NT5E: variants seen among roughly 807,000 people sequenced by gnomAD.
NT5E encodes 5'-nucleotidase ecto.
NT5E carries 53 observed loss-of-function variants against 55.1 expected under a neutral mutation model. The observed-to-expected ratio is 0.96, with a 90% CI of 0.77 to 1.21. NT5E has a LOEUF of 1.21. NT5E is among the 50% of genes most tolerant of loss of function. The pLI is 0.00. For synonymous variants in NT5E, 270 were observed against 278.4 expected (o/e 0.97, Z 0.30); for missense variants, 683 against 724.3 (o/e 0.94, Z 0.65).
intron 1 of NT5E, among the ~76,000 whole-genome samples, chr6:85,464,385 G>T (rs1421662439): frequency 6.6e-6 from 1 of 152,108 alleles, no homozygotes; most frequent in African/African-American, 2.4e-5. Flanking sequence ...TTCCTTAACT[G>T]CTTTTATTTT....
intron 1 of NT5E, among the ~76,000 whole-genome samples, chr6:85,465,393 A>G (rs79956451): frequency 0.013 from 1,987 of 152,302 alleles, 43 homozygotes; most frequent in African/African-American, 0.046. Context: ...CAAGAAAGTG[A>G]TTGTACTATA....
rs941664377 is a variant in NT5E, at chr6:85,487,412, A to C, written c.1027A>C (p.Ile343Leu). The C allele has an allele frequency of 6.2e-7, 1 of 1,614,008 alleles. No homozygotes were observed. Among genetic ancestry groups the C allele is most frequent in the Admixed American group, 1.7e-5 (1 of 60,004 alleles). Residue 343 changes from isoleucine (I) to leucine (L), a missense_variant, in exon 5 of 9, where the codon ATT (isoleucine) becomes CTT (leucine). Ile to Leu is a conservative substitution (Grantham distance 5, BLOSUM62 2). Transcript: ENST00000257770. ...TTCTACCCAGGAATTAGGGAAAACAATTGTCTATCTGGATGGCTCCTCTCA... is the reference window on the plus strand; with the variant it reads ...TTCTACCCAGGAATTAGGGAAAACACTTGTCTATCTGGATGGCTCCTCTCA... ...NYSTQELGKT[I>L]VYLDGSSQSC...
Position 85,485,440 on chromosome 6 carries a change from A to C in NT5E, c.949+8A>C, listed in dbSNP as rs1256791771. On this transcript the variant is annotated splice_region_variant and intron_variant, in intron 4 of 8. Transcript: ENST00000257770. ...ACAGCAGCATTCCTGAAGGTAAGTG[A>C]AGTTCAGGGGAATGTTCCACCAATC... is the stretch of plus-strand genomic sequence containing the variant. 1 of 1,613,638 alleles carries C rather than the reference A, an allele frequency of 6.2e-7. No individual in the cohort carries two copies. Among genetic ancestry groups the C allele is most frequent in the Admixed American group, 1.7e-5 (1 of 60,028 alleles).
Position 85,450,201 on chromosome 6 carries a change from G to A in NT5E, c.62G>A (p.Trp21Ter). The stretch of plus-strand genomic sequence containing the variant: ...CTCCTCGCCCTGGGCGCGGTGCTGT[G>A]GCCTGCGGCTGGCGCCTGGGAGCTT... ...TLLLALGAVL[W>*]PAAGAWELTI... Residue 21 changes from tryptophan (W) to a stop codon, truncating the protein, a stop_gained, in exon 1 of 9, where the codon TGG (tryptophan) becomes TAG (stop). Coordinates refer to ENST00000257770, the MANE Select transcript of NT5E (RefSeq NM_002526.4). LOFTEE classifies it high-confidence loss of function. This position sits in a 1 kb window ranked among gnomAD's most constrained non-coding sequence, Gnocchi z 4.0. 6.2e-7 allele frequency: 1 copy of A among 1,609,078 alleles called. No individual in the cohort carries two copies.
rs756084840 is a variant in NT5E, at chr6:85,467,145, C to T, written c.425C>T (p.Ala142Val). 1.3e-5 allele frequency: 21 copies of T among 1,613,972 alleles called. No homozygotes were observed. Among genetic ancestry groups the T allele is most frequent in the Non-Finnish European group, 1.6e-5 (19 of 1,179,996 alleles). ...GAGGCCAAATTTCCAATTCTGAGTGCAAACATTAAAGCAAAGGGGCCACTA... is the reference window on the plus strand; with the variant it reads ...GAGGCCAAATTTCCAATTCTGAGTGTAAACATTAAAGCAAAGGGGCCACTA... Reference protein sequence around the residue: ...LKEAKFPILSANIKAKGPLAS... With the variant: ...LKEAKFPILSVNIKAKGPLAS... The change falls in exon 2 of 9, where the codon GCA (alanine) becomes GTA (valine). Residue 142 changes from alanine to valine, a missense_variant. Ala to Val is a moderately conservative substitution (Grantham distance 64). Coordinates refer to ENST00000257770, the MANE Select transcript of NT5E (RefSeq NM_002526.4).
At chr6:85,485,494 C>T in intron 4 of NT5E, 62 bp downstream of exon 4, 3 of 1,515,918 alleles carry the variant, frequency 2.0e-6, no homozygotes, top group Non-Finnish European at 1.8e-6. Context: ...ATATTTTGCT[C>T]CTTCCCATTT....
intron 5 of NT5E, among the ~76,000 whole-genome samples, chr6:85,489,130 TC>T (rs1769729881): frequency 6.6e-6 from 1 of 152,058 alleles, no homozygotes; most frequent in African/African-American, 2.4e-5. Flanking sequence ...GCCCTCAGAA[TC>T]AGGCAGAGGG....
intron 1 of NT5E, among the ~76,000 whole-genome samples, chr6:85,459,473 T>C (rs915421847): frequency 1.3e-5 from 2 of 152,252 alleles, no homozygotes; most frequent in African/African-American, 4.8e-5. Flanking sequence ...AACTCTGCTA[T>C]CCTTTGTTTT....
chr6:85,477,167 T>G (rs1769455174), intron 3 of NT5E, among the ~76,000 whole-genome samples: 1 of 152,124 alleles, frequency 6.6e-6, no homozygotes, highest in Non-Finnish European at 1.5e-5. Flanking sequence ...AATTCCTCTT[T>G]CCCTCCCAGT....
chr6:85,459,166 G>A (rs970496923), intron 1 of NT5E, among the ~76,000 whole-genome samples: 1 of 152,168 alleles, frequency 6.6e-6, no homozygotes, highest in Non-Finnish European at 1.5e-5. Flanking sequence ...GTCTCCCAAT[G>A]TTGCCTAGGC....
chr6:85,468,136 A>T (rs1298491382), intron 2 of NT5E, among the ~76,000 whole-genome samples: 1 of 152,240 alleles, frequency 6.6e-6, no homozygotes, highest in African/African-American at 2.4e-5. Flanking sequence ...GAACTAACTG[A>T]TAAAGGACAT....
chr6:85,467,100 T>C lies in NT5E; in HGVS notation c.380T>C (p.Leu127Pro). The change falls in exon 2 of 9, where the codon CTG (leucine) becomes CCG (proline). Residue 127 changes from leucine (L) to proline (P), a missense_variant. Transcript: ENST00000257770. ...NHEFDNGVEG[L>P]IEPLLKEAKF... is the part of the protein sequence containing the mutation. ...GAATTTGATAATGGTGTGGAAGGAC[T>C]GATCGAGCCACTCCTCAAAGAGGCC... 6.2e-7 allele frequency: 1 copy of C among 1,614,172 alleles called. No homozygotes were observed. The highest frequency in any genetic ancestry group is 8.5e-7 in the Non-Finnish European group (1 of 1,180,032).
chr6:85,484,361 T>G (rs1304628520), intron 3 of NT5E, among the ~76,000 whole-genome samples: 1 of 152,156 alleles, frequency 6.6e-6, no homozygotes, highest in East Asian at 1.9e-4. Context: ...TGCTAAGTGA[T>G]TAAAGGCTGG....
intron 3 of NT5E, 134 bp downstream of exon 3, chr6:85,471,559 TGTAATA>T: frequency 4.2e-6 from 2 of 474,898 alleles, no homozygotes; most frequent in Non-Finnish European, 7.2e-6. Flanking sequence ...ATAATATATA[TGTAATA>T]TACATTAAAT....
At position 85,493,885 on chromosome 6, in the gene NT5E, A is replaced by G; in HGVS notation, c.1606A>G (p.Lys536Glu). Reference sequence around the variant, plus strand: ...GGTTTCTACATATATCTCCAAAATGAAAGTAATTTATCCAGCAGTTGAAGG... The same window carrying G: ...GGTTTCTACATATATCTCCAAAATGGAAGTAATTTATCCAGCAGTTGAAGG... ...NVVSTYISKM[K>E]VIYPAVEGRI... Residue 536 changes from lysine to glutamate, a missense_variant, in exon 9 of 9, where the codon AAA becomes GAA. Physicochemically the swap from Lys to Glu is moderately conservative, Grantham distance 56. Transcript: ENST00000257770. 2 of 1,614,042 alleles carry G rather than the reference A, an allele frequency of 1.2e-6. No homozygotes were observed. The highest frequency in any genetic ancestry group is 1.7e-6 in the Non-Finnish European group (2 of 1,179,940).
At chr6:85,454,453 G>A (rs571788529) in intron 1 of NT5E, among the ~76,000 whole-genome samples, 2 of 152,252 alleles carry the variant, frequency 1.3e-5, no homozygotes, top group South Asian at 4.1e-4. Context: ...TGATATGTTT[G>A]TTAACTTTTT....
chr6:85,459,086 G>C (rs753323648), intron 1 of NT5E, among the ~76,000 whole-genome samples: 4 of 152,138 alleles, frequency 2.6e-5, no homozygotes, highest in Non-Finnish European at 4.4e-5. Flanking sequence ...TTGAGTGATT[G>C]GCAACTGAGC....
intron 3 of NT5E, among the ~76,000 whole-genome samples, chr6:85,482,742 G>A (rs1582383665): frequency 6.6e-6 from 1 of 152,242 alleles, no homozygotes; most frequent in African/African-American, 2.4e-5. Context: ...AGACAGATGT[G>A]TAGCTCTTTG....
intron 5 of NT5E, among the ~76,000 whole-genome samples, chr6:85,487,870 C>G (rs1222443778): frequency 6.6e-6 from 1 of 152,354 alleles, no homozygotes; most frequent in African/African-American, 2.4e-5. Flanking sequence ...CACCAACATA[C>G]TGCTTTACAA....
Sources: gnomAD v4.1 joint callset for allele counts (sites outside exome capture counted in the v4.1 genomes callset) on GRCh38, gnomAD v4.1.1 for gene constraint, Gnocchi (gnomAD v3.1) non-coding constraint, MANE v1.5 for transcripts, NCBI Gene and HGNC (gene_info 2026-07-23, HGNC 2026-07-21) for gene names.